Variants in PRTG observed in about 807,000 individuals in gnomAD.
PRTG encodes protogenin, also known as immunoglobulin superfamily, DCC subclass, member 5.
PRTG carries 67 observed loss-of-function variants against 122.5 expected under a neutral mutation model. The ratio of observed to expected loss-of-function variants is 0.55; its 90% CI spans 0.45 to 0.67. PRTG has a LOEUF of 0.67. Among genes scored for constraint, PRTG ranks in the 30% least tolerant of loss-of-function variants. The pLI is 0.00. For synonymous variants in PRTG, 554 were observed against 501.1 expected (o/e 1.11, Z -1.41); for missense variants, 1,435 against 1,415.4 (o/e 1.01, Z -0.22).
chr15:55,667,277 CACTT>C (rs2059444139), intron 11 of PRTG, among the ~76,000 whole-genome samples: 1 of 150,136 alleles, frequency 6.7e-6, no homozygotes, highest in Non-Finnish European at 1.5e-5. Flanking sequence ...AATCTGTAAA[CACTT>C]TATTTTTCAT....
chr15:55,738,731 A>C (rs1349274294), intron 2 of PRTG: 8 of 329,638 alleles, frequency 2.4e-5, no homozygotes, highest in East Asian at 1.9e-4. Flanking sequence ...GGAGGGAAGG[A>C]AGGCATGCAG....
intron 12 of PRTG, 59 bp downstream of exon 12, chr15:55,641,048 AAGGAGG>A: frequency 9.2e-7 from 1 of 1,084,826 alleles, no homozygotes; most frequent in Non-Finnish European, 1.4e-6. Context: ...CTGTAACTTA[AAGGAGG>A]AGGAGGAGAA....
rs145185535 is a variant in PRTG, at chr15:55,614,286, T to C, written c.*5726A>G. On this transcript the variant is annotated 3_prime_UTR_variant, in exon 20 of 20. Transcript: ENST00000389286. ...GAAAGATCAAATTTCCTAGGAAATG[T>C]ATATACATGCTGATGGCATAAGGAG... is the stretch of plus-strand genomic sequence containing the variant. The C allele has an allele frequency of 6.6e-6, 1 of 152,176 alleles. No homozygotes were observed. The highest frequency in any genetic ancestry group is 2.4e-5 in the African/African-American group (1 of 41,546). The allele number at this position is 152,176 out of a possible 1,614,324, so 9.4% of individuals were successfully genotyped here. A position where few individuals can be genotyped will look rare whatever the true frequency, so the allele number is the denominator to read the frequency against.
rs115421926 is a variant in PRTG at position 55,679,988 on chromosome 15, G to A, written c.973+66C>T. The A allele has an allele frequency of 1.1e-3, 1,355 of 1,282,192 alleles. 12 individuals carry two copies. The African/African-American group carries it at 0.018, about 17-fold the overall frequency. 79.4% of individuals were successfully genotyped at this position (1,282,192 alleles called of 1,614,324 possible). A position where few individuals can be genotyped will look rare whatever the true frequency, so the allele number is the denominator to read the frequency against. On this transcript the variant is annotated intron_variant, in intron 6 of 19. Coordinates refer to ENST00000389286, the MANE Select transcript of PRTG (RefSeq NM_173814.6). ...AAAGCTCAAGAAAGAAGTAAGCTAT[G>A]AATGAGATAAAACGGCAAATGTTAA...
intron 11 of PRTG, among the ~76,000 whole-genome samples, chr15:55,650,626 C>T (rs1313212009): frequency 6.6e-6 from 1 of 151,974 alleles, no homozygotes; most frequent in Admixed American, 6.6e-5. Flanking sequence ...ACATGGAAGG[C>T]AGATGACTAA....
chr15:55,687,560 C>G (rs1331504766), intron 2 of PRTG, among the ~76,000 whole-genome samples: 2 of 152,002 alleles, frequency 1.3e-5, no homozygotes, highest in Non-Finnish European at 2.9e-5. Context: ...CTATGAAATC[C>G]CTAAGATTTT....
chr15:55,731,357 C>T (rs1366351107), intron 2 of PRTG, among the ~76,000 whole-genome samples: 1 of 143,618 alleles, frequency 7.0e-6, no homozygotes, highest in Non-Finnish European at 1.5e-5. Context: ...GAAATTACAC[C>T]TTATCATTCT....
intron 11 of PRTG, among the ~76,000 whole-genome samples, chr15:55,667,342 T>C (rs932754855): frequency 6.6e-6 from 1 of 152,158 alleles, no homozygotes; most frequent in African/African-American, 2.4e-5. Context: ...TTTTACTATC[T>C]TAATGTAATA....
At chr15:55,626,593 A>C (rs1419362195) in intron 17 of PRTG, among the ~76,000 whole-genome samples, 10 of 142,066 alleles carry the variant, frequency 7.0e-5, no homozygotes, top group Non-Finnish European at 1.5e-4. Context: ...TACTAAAAAT[A>C]CAAAAAAAAA....
At chr15:55,623,497 T>C (rs2251001) in intron 18 of PRTG, among the ~76,000 whole-genome samples, 126,892 of 152,050 alleles carry the variant, frequency 0.83, 54,217 homozygotes, top group East Asian at 0.98. Context: ...AACCGGGAGG[T>C]GGAGGTCACA....
At chr15:55,742,395 T>G (rs2031637479) in intron 1 of PRTG, 1 of 157,028 alleles carries the variant, frequency 6.4e-6, no homozygotes, top group African/African-American at 2.4e-5. Flanking sequence ...CGGCGCCCCC[T>G]GCACGGCGAG....
At chr15:55,686,552 C>T (rs1051226446) in intron 2 of PRTG, among the ~76,000 whole-genome samples, 1 of 152,154 alleles carries the variant, frequency 6.6e-6, no homozygotes, top group African/African-American at 2.4e-5. Flanking sequence ...TCATCCCTAA[C>T]AGTCCTCTGT....
intron 15 of PRTG, among the ~76,000 whole-genome samples, chr15:55,629,375 ATGTGTGTGTGTGTGTGTGTGTGTGTGTG>A (rs59080250): frequency 6.3e-5 from 3 of 47,938 alleles, no homozygotes; most frequent in Non-Finnish European, 1.3e-4. Context: ...ATATATATAT[ATGTGTGTGTGTGTGTGTGTGTGTGTGTG>A]TGTGTGTGTG....
intron 2 of PRTG, among the ~76,000 whole-genome samples, chr15:55,701,568 C>G (rs2059664097): frequency 6.6e-6 from 1 of 152,016 alleles, no homozygotes; most frequent in Admixed American, 6.6e-5. Flanking sequence ...ACCCTGCATT[C>G]TCATCTCTAA....
At chr15:55,712,907 A>C (rs2030446697) in intron 2 of PRTG, among the ~76,000 whole-genome samples, 1 of 152,236 alleles carries the variant, frequency 6.6e-6, no homozygotes, top group Non-Finnish European at 1.5e-5. Context: ...AAATAGGAAA[A>C]TGTATTTTAG....
At chr15:55,629,812 T>G (rs1005812636) in intron 15 of PRTG, among the ~76,000 whole-genome samples, 2 of 151,704 alleles carry the variant, frequency 1.3e-5, no homozygotes, top group Admixed American at 6.6e-5. Flanking sequence ...ATATTTTTAC[T>G]GGTCTAATTT....
chr15:55,728,757 T>C (rs1194893785), intron 2 of PRTG, among the ~76,000 whole-genome samples: 4 of 21,198 alleles, frequency 1.9e-4, no homozygotes, highest in Non-Finnish European at 4.9e-4. Flanking sequence ...ACAGAGCAAT[T>C]AGTCTAAAAA....
chr15:55,648,976 A>G (rs753794348), intron 11 of PRTG, among the ~76,000 whole-genome samples: 8 of 151,988 alleles, frequency 5.3e-5, no homozygotes, highest in Non-Finnish European at 1.2e-4. Flanking sequence ...ACGTGCCTAC[A>G]GTCCCAGCTA....
At chr15:55,686,405 T>C (rs1595650934) in intron 2 of PRTG, among the ~76,000 whole-genome samples, 1 of 150,870 alleles carries the variant, frequency 6.6e-6, no homozygotes, top group Non-Finnish European at 1.5e-5. Context: ...TTACTTAGTT[T>C]AAATTTTTTT....
Sources: gnomAD v4.1 joint callset for allele counts (sites outside exome capture counted in the v4.1 genomes callset) on GRCh38, gnomAD v4.1.1 for gene constraint, MANE v1.5 for transcripts, NCBI Gene and HGNC (gene_info 2026-07-23, HGNC 2026-07-21) for gene names.